ZBTB20: variants seen among roughly 807,000 people sequenced by gnomAD.
ZBTB20 encodes the protein zinc finger and BTB domain containing 20.
A neutral mutation model predicts 56.9 loss-of-function variants in ZBTB20; 9 were observed. That is an observed-to-expected ratio of 0.16 (90% CI 0.10 to 0.28). The LOEUF (loss-of-function observed/expected upper bound fraction) is 0.28. ZBTB20 is among the 10% of genes least tolerant of loss of function. The pLI is 1.00. For synonymous variants in ZBTB20, 417 were observed against 420.7 expected, an observed-to-expected ratio of 0.99 and a Z score of 0.11; for missense variants, 655 against 1,003.0, an observed-to-expected ratio of 0.65 and a Z score of 4.69.
At chr3:114,690,145 C>T (rs1282333439) in intron 6 of ZBTB20, among the ~76,000 whole-genome samples, 4 of 152,040 alleles carry the variant, frequency 2.6e-5, no homozygotes, top group African/African-American at 4.8e-5. Flanking sequence ...CTTTGCTCTA[C>T]CAGTTTTGGC....
At chr3:114,506,037 T>C (rs1333835008) in intron 6 of ZBTB20, among the ~76,000 whole-genome samples, 1 of 152,098 alleles carries the variant, frequency 6.6e-6, no homozygotes, top group East Asian at 1.9e-4. Flanking sequence ...ACTCTCTAGG[T>C]ACTTTGGGGT....
At chr3:114,417,860 T>C (rs765301571) in intron 7 of ZBTB20, among the ~76,000 whole-genome samples, 3 of 152,120 alleles carry the variant, frequency 2.0e-5, no homozygotes, top group African/African-American at 7.2e-5. Context: ...AATCAAAGTA[T>C]ATGCCAAGAA....
In ZBTB20 at chr3:114,323,068, T is replaced by A. The variant is rs2078950273; in HGVS notation, c.*15937A>T. ...TTCAGCATCTTTACTCTTGTGTTAT[T>A]ATTTCCCACACAATCTATTGCTTAT... On this transcript the variant is annotated 3_prime_UTR_variant, in exon 12 of 12. Coordinates refer to ENST00000675478, the MANE Select transcript of ZBTB20 (RefSeq NM_001348800.3). 6.6e-6 allele frequency: 1 copy of A among 151,960 alleles called. No homozygotes were observed. The highest frequency in any genetic ancestry group is 1.5e-5 in the Non-Finnish European group (1 of 67,872). The allele number at this position is 151,960 out of a possible 1,614,324, so 9.4% of individuals were successfully genotyped here. A position where few individuals can be genotyped will look rare whatever the true frequency, so the allele number is the denominator to read the frequency against.
intron 6 of ZBTB20, among the ~76,000 whole-genome samples, chr3:114,569,876 T>C (rs1490811518): frequency 6.6e-6 from 1 of 152,062 alleles, no homozygotes; most frequent in Non-Finnish European, 1.5e-5. Context: ...TCTCTCTCTC[T>C]CTCCCCACCT....
At chr3:114,618,423 CT>C (rs1450192567) in intron 6 of ZBTB20, among the ~76,000 whole-genome samples, 1 of 151,268 alleles carries the variant, frequency 6.6e-6, no homozygotes, top group Non-Finnish European at 1.5e-5. Context: ...TGCCTGGCTA[CT>C]TTTTAAAAAT....
chr3:114,434,558 T>TGTGTGTGTGTGTG (rs1576744101), intron 7 of ZBTB20, among the ~76,000 whole-genome samples: 3 of 145,944 alleles, frequency 2.1e-5, no homozygotes, highest in Admixed American at 6.9e-5. Flanking sequence ...GTGTGTGTGT[T>TGTGTGTGTGTGTG]TGTGTGTGTG....
At chr3:114,759,975 A>C (rs2068318261) in intron 5 of ZBTB20, among the ~76,000 whole-genome samples, 1 of 152,182 alleles carries the variant, frequency 6.6e-6, no homozygotes. Flanking sequence ...TCCATTATGC[A>C]AAAGTAATGC....
At chr3:114,931,303 C>A in intron 3 of ZBTB20, 2 of 198,074 alleles carry the variant, frequency 1.0e-5, no homozygotes, top group East Asian at 1.4e-4. Flanking sequence ...AGATGAGACC[C>A]AATATCAGCA....
rs899468961 is a variant in ZBTB20, at chr3:115,105,168, C to T, written c.-702-33754G>A. 1.7e-4 allele frequency among the ~76,000 whole-genome samples: 25 copies of T among 147,246 alleles called. 1 individual carries two copies. The highest frequency in any genetic ancestry group is 4.6e-4 in the African/African-American group (17 of 36,808). On this transcript the variant is annotated intron_variant, in intron 1 of 11. Transcript: ENST00000675478. ...GCTAAAAATAACAAATTTAAAAGGA[C>T]GGAATTGAACAGCGTATCATAATAA...
At chr3:114,347,845 C>T (rs2080325032) in intron 11 of ZBTB20, among the ~76,000 whole-genome samples, 1 of 152,184 alleles carries the variant, frequency 6.6e-6, no homozygotes, top group South Asian at 2.1e-4. Flanking sequence ...ATTATACACA[C>T]CATTACAATA....
chr3:114,959,858 T>G (rs1560438834), intron 3 of ZBTB20, among the ~76,000 whole-genome samples: 1 of 152,062 alleles, frequency 6.6e-6, no homozygotes, highest in African/African-American at 2.4e-5. Flanking sequence ...AAAAGCTAGC[T>G]GCAGATAAGT....
chr3:115,042,659 T>C (rs553059611), intron 2 of ZBTB20, among the ~76,000 whole-genome samples: 1 of 152,352 alleles, frequency 6.6e-6, no homozygotes, highest in South Asian at 2.1e-4. Context: ...TACAAACTGG[T>C]CAAATTCAGC....
chr3:114,933,975 A>ATCCT (rs2076445258), intron 3 of ZBTB20, among the ~76,000 whole-genome samples: 1 of 152,106 alleles, frequency 6.6e-6, no homozygotes, highest in Non-Finnish European at 1.5e-5. Context: ...ATTCAGAATC[A>ATCCT]TCCTTCCTTC....
Position 114,380,136 on chromosome 3 carries a change from G to T in ZBTB20, c.199+81C>A, listed in dbSNP as rs143414025. On this transcript the variant is annotated intron_variant, in intron 10 of 11. Coordinates refer to ENST00000675478, the MANE Select transcript of ZBTB20 (RefSeq NM_001348800.3). Reference sequence around the variant, plus strand: ...AGACCAAATGCAAAGAGCTCGCTCTGAAAGTAGAAAAGCCAGAACCCAGGG... The same window carrying T: ...AGACCAAATGCAAAGAGCTCGCTCTTAAAGTAGAAAAGCCAGAACCCAGGG... The T allele has an allele frequency of 1.7e-4, 226 of 1,366,224 alleles. 1 individual carries two copies. The Middle Eastern group carries it at 1.7e-3, about 10-fold the overall frequency. The allele number at this position is 1,366,224 out of a possible 1,614,324, so 84.6% of individuals were successfully genotyped here.
intron 6 of ZBTB20, among the ~76,000 whole-genome samples, chr3:114,533,013 A>C (rs1228977317): frequency 1.3e-5 from 2 of 152,224 alleles, no homozygotes; most frequent in South Asian, 4.1e-4. Flanking sequence ...CCAAAGGTAG[A>C]TAAATCCACA....
intron 6 of ZBTB20, among the ~76,000 whole-genome samples, chr3:114,546,085 T>C (rs1480829813): frequency 6.6e-6 from 1 of 152,208 alleles, no homozygotes; most frequent in African/African-American, 2.4e-5. Context: ...TACTGATTCA[T>C]TGATAATTCT....
chr3:114,524,802 C>T (rs539675601), intron 6 of ZBTB20, among the ~76,000 whole-genome samples: 1 of 152,262 alleles, frequency 6.6e-6, no homozygotes, highest in South Asian at 2.1e-4. Flanking sequence ...ACAACTTCCG[C>T]CTCTCAGGTT....
chr3:115,065,495 T>C (rs982132435), intron 2 of ZBTB20, among the ~76,000 whole-genome samples: 2 of 152,190 alleles, frequency 1.3e-5, no homozygotes, highest in African/African-American at 4.8e-5. Flanking sequence ...TGCTTCCTCT[T>C]CCTTATGCCT....
chr3:114,675,669 T>A (rs993878004), intron 6 of ZBTB20, among the ~76,000 whole-genome samples: 1 of 152,182 alleles, frequency 6.6e-6, no homozygotes, highest in Non-Finnish European at 1.5e-5. Context: ...AATGGAATGC[T>A]CTGAATTGTA....
Sources: gnomAD v4.1 joint callset for allele counts (sites outside exome capture counted in the v4.1 genomes callset) on GRCh38, gnomAD v4.1.1 for gene constraint, MANE v1.5 for transcripts, NCBI Gene and HGNC (gene_info 2026-07-23, HGNC 2026-07-21) for gene names.